Variants in FKBP5 observed in about 807,000 individuals in gnomAD.
The protein encoded by FKBP5 is FKBP prolyl isomerase 5.
In FKBP5, 23 loss-of-function variants were observed where a neutral mutation model predicts 50.5. That is an observed-to-expected ratio of 0.46 (90% CI 0.33 to 0.65). The LOEUF is 0.65. FKBP5 is among the 30% of genes least tolerant of loss of function. FKBP5 has a pLI of 0.02. For synonymous variants in FKBP5, 176 were observed against 190.6 expected, an observed-to-expected ratio of 0.92 and a Z score of 0.63; for missense variants, 411 against 553.1, an observed-to-expected ratio of 0.74 and a Z score of 2.58.
At chr6:35,605,384 T>C (rs1010399955) in intron 5 of FKBP5, among the ~76,000 whole-genome samples, 1 of 28,754 alleles carries the variant, frequency 3.5e-5, no homozygotes, top group African/African-American at 2.0e-4. Flanking sequence ...TGACAATATC[T>C]TTTTTTTTTT....
At chr6:35,581,204 C>A (rs1276043126) in intron 8 of FKBP5, 26 of 979,212 alleles carry the variant, frequency 2.7e-5, no homozygotes, top group Non-Finnish European at 3.1e-5. Flanking sequence ...ACATAAATAA[C>A]AACTATAAAA....
At chr6:35,714,254 C>T in intron 2 of FKBP5, among the ~76,000 whole-genome samples, 1 of 144,300 alleles carries the variant, frequency 6.9e-6, no homozygotes, top group Non-Finnish European at 1.5e-5. Flanking sequence ...GAGTTCAAGA[C>T]CAGCCTGGCC....
At chr6:35,611,976 G>T (rs1187288752) in intron 5 of FKBP5, among the ~76,000 whole-genome samples, 1 of 152,140 alleles carries the variant, frequency 6.6e-6, no homozygotes, top group Non-Finnish European at 1.5e-5. Flanking sequence ...ATTTAGATAA[G>T]ATTACTATTA....
At chr6:35,689,016 C>T (rs923827333), upstream of FKBP5, 1 of 151,974 alleles carries the variant, frequency 6.6e-6, no homozygotes, top group African/African-American at 2.4e-5. Context: ...CCGGGGCTGT[C>T]AGTCCGCCCC....
chr6:35,592,943 G>A (rs1381982566), intron 6 of FKBP5, among the ~76,000 whole-genome samples: 1 of 152,188 alleles, frequency 6.6e-6, no homozygotes, highest in Non-Finnish European at 1.5e-5. Context: ...GGAATGTGGG[G>A]CTGTATCAAG....
Position 35,575,572 on chromosome 6 carries a change from G to A in FKBP5, c.*263C>T, listed in dbSNP as rs1581775255. 2 of 429,760 alleles carry A rather than the reference G, an allele frequency of 4.7e-6. No homozygotes were observed. Among genetic ancestry groups the A allele is most frequent in the East Asian group, 3.8e-5 (1 of 26,120 alleles). 26.6% of individuals were successfully genotyped at this position (429,760 alleles called of 1,614,324 possible). On this transcript the variant is annotated 3_prime_UTR_variant, in exon 11 of 11. Coordinates refer to ENST00000357266, the MANE Select transcript of FKBP5 (RefSeq NM_004117.4). ...AGGTTGATAGAAACTGAAATGAGCT[G>A]GACTTAAGCTGCTGGCTCACTCCCT...
intron 2 of FKBP5, among the ~76,000 whole-genome samples, chr6:35,710,204 C>G (rs540043346): frequency 4.7e-4 from 71 of 152,212 alleles, no homozygotes; most frequent in African/African-American, 1.7e-3. Context: ...TAGGGCTGGG[C>G]GCAGTGGTTC....
chr6:35,581,894 C>T lies in FKBP5; in HGVS notation c.841-1673G>A, dbSNP rs184828383. The stretch of plus-strand genomic sequence containing the variant: ...CCAAGCAGCGCGTACATCTCACTGC[C>T]GAGTTGTCTCTCCCCACAAATACTC... On this transcript the variant is annotated intron_variant, in intron 8 of 10. Coordinates refer to ENST00000357266, the MANE Select transcript of FKBP5 (RefSeq NM_004117.4). 401 of 985,478 alleles carry T rather than the reference C, an allele frequency of 4.1e-4. 4 individuals carry two copies. In the Admixed American group the frequency reaches 6.1e-3, roughly 15 times the overall value. The allele number at this position is 985,478 out of a possible 1,614,324, so 61.0% of individuals were successfully genotyped here. A position where few individuals can be genotyped will look rare whatever the true frequency, so the allele number is the denominator to read the frequency against.
chr6:35,690,452 C>G (rs1386661366), upstream of FKBP5, among the ~76,000 whole-genome samples: 1 of 149,250 alleles, frequency 6.7e-6, no homozygotes, highest in African/African-American at 2.5e-5. Context: ...GCAACAAGAG[C>G]GAGACTCCAT....
intron 2 of FKBP5, among the ~76,000 whole-genome samples, chr6:35,712,223 C>T (rs1001657981): frequency 2.6e-5 from 4 of 151,862 alleles, no homozygotes; most frequent in Admixed American, 6.6e-5. Context: ...GTTTGTTACC[C>T]GCTCTCTTTT....
chr6:35,611,888 G>A (rs1763503388), intron 5 of FKBP5, among the ~76,000 whole-genome samples: 3 of 152,034 alleles, frequency 2.0e-5, no homozygotes, highest in Admixed American at 6.5e-5. Flanking sequence ...TTATGAAAAG[G>A]AAGTAAAAGT....
chr6:35,691,156 A>G (rs1386188749), upstream of FKBP5, among the ~76,000 whole-genome samples: 1 of 152,126 alleles, frequency 6.6e-6, no homozygotes, highest in Non-Finnish European at 1.5e-5. Context: ...TCTCCTCTTC[A>G]TGTTACAGGG....
chr6:35,665,511 A>G (rs1393282205), intron 1 of FKBP5, among the ~76,000 whole-genome samples: 4 of 151,970 alleles, frequency 2.6e-5, no homozygotes, highest in South Asian at 2.1e-4. Context: ...GAATGGTCTC[A>G]ATCTCTTGAC....
intron 2 of FKBP5, among the ~76,000 whole-genome samples, chr6:35,694,700 G>C (rs1388633591): frequency 1.3e-5 from 2 of 151,978 alleles, no homozygotes; most frequent in African/African-American, 2.4e-5. Flanking sequence ...TTTTTGTTTT[G>C]TTTTCTTTTT....
At chr6:35,583,057 A>G in intron 8 of FKBP5, 3 of 980,856 alleles carry the variant, frequency 3.1e-6, no homozygotes, top group Non-Finnish European at 3.6e-6. Flanking sequence ...ACTGCACTCC[A>G]GCCTGGGTGA....
chr6:35,698,095 C>T (rs1035197035), intron 2 of FKBP5, among the ~76,000 whole-genome samples: 3 of 152,184 alleles, frequency 2.0e-5, no homozygotes, highest in Non-Finnish European at 2.9e-5. Context: ...GTAATCCCAG[C>T]GCTTTGGGAG....
intron 2 of FKBP5, among the ~76,000 whole-genome samples, chr6:35,710,156 G>C (rs1766388477): frequency 6.6e-6 from 1 of 152,186 alleles, no homozygotes; most frequent in African/African-American, 2.4e-5. Flanking sequence ...GTGTGCTTCA[G>C]CGAGAGATCC....
chr6:35,589,438 C>A (rs1235177311), intron 7 of FKBP5, among the ~76,000 whole-genome samples: 1 of 152,068 alleles, frequency 6.6e-6, no homozygotes, highest in East Asian at 1.9e-4. Context: ...CTGGCCTAGT[C>A]TATTCTTAAC....
chr6:35,592,480 T>C (rs1762852242), intron 6 of FKBP5, among the ~76,000 whole-genome samples: 1 of 151,060 alleles, frequency 6.6e-6, no homozygotes, highest in African/African-American at 2.5e-5. Context: ...TAATTACCAG[T>C]GACCAATTTT....
Sources: allele counts gnomAD v4.1 joint callset (sites outside exome capture counted in the v4.1 genomes callset), GRCh38; gene constraint gnomAD v4.1.1; transcripts MANE v1.5; gene names NCBI Gene and HGNC (gene_info 2026-07-23, HGNC 2026-07-21).